The following DNAAF3 variants were observed in gnomAD, a reference collection of about 807,000 sequenced individuals.
DNAAF3 encodes dynein axonemal assembly factor 3, also known as UPF0470 protein C19orf51.
In DNAAF3, 40 loss-of-function variants were observed where a neutral mutation model predicts 50.9. The ratio of observed to expected loss-of-function variants is 0.79; its 90% CI spans 0.61 to 1.02. DNAAF3 has a LOEUF of 1.02. Ranked by LOEUF, DNAAF3 falls within the 50% of genes least tolerant of loss-of-function variation. The pLI, the probability that DNAAF3 is intolerant of heterozygous loss-of-function variation, is 0.00. For missense variants in DNAAF3, 763 were observed against 744.7 expected, an observed-to-expected ratio of 1.02 and a Z score of -0.29; for synonymous variants, 327 against 322.8, an observed-to-expected ratio of 1.01 and a Z score of -0.14.
intron 4 of DNAAF3, among the ~76,000 whole-genome samples, chr19:55,163,737 A>C (rs562223718): frequency 3.6e-4 from 55 of 152,342 alleles, no homozygotes; most frequent in Non-Finnish European, 4.1e-4. Flanking sequence ...AAATAGTTTC[A>C]TGTTAGTTGT....
Position 55,159,973 on chromosome 19 carries a change from C to A in DNAAF3, c.1089G>T (p.Pro363=), listed in dbSNP as rs368469150. ...TPESFTVHFL[P]LNSAQTLHHK... ...GGTGGAGAGTCTGAGCAGAATTGAG[C>A]GGCAGGAAGTGGACGGTGAAAGATT... Residue 363 remains proline, a synonymous_variant, in exon 10 of 12, where the codon CCG becomes CCT. Transcript: ENST00000524407. The A allele has an allele frequency of 5.0e-6, 8 of 1,602,760 alleles. No individual in the cohort carries two copies. In the Admixed American group the frequency reaches 1.2e-4, roughly 24 times the overall value.
At chr19:55,165,021 CTTTTTTTTT>C (rs1164581047) in intron 4 of DNAAF3, among the ~76,000 whole-genome samples, 5 of 84,572 alleles carry the variant, frequency 5.9e-5, no homozygotes, top group Non-Finnish European at 8.6e-5. Flanking sequence ...GTTTCGCTCT[CTTTTTTTTT>C]TTTTTTTTTT....
rs1039202842 is a variant in DNAAF3, at chr19:55,161,130, C to G, written c.847G>C (p.Val283Leu). The change falls in exon 8 of 12, where the codon GTG (valine) becomes CTG (leucine). Residue 283 changes from valine (V) to leucine (L), a missense_variant. By Grantham distance (32) the Val-to-Leu change is conservative. Transcript: ENST00000524407. The surrounding 1 kb of genome is among the most constrained non-coding windows in gnomAD (Gnocchi z 6.4). ...TCGTCCGCTTCGATGCCGAAGGCCA[C>G]GAAGGGCCCCGTGGCGATGTCCCCC... ...YWGDIATGPF[V>L]AFGIEADDES... The G allele has an allele frequency of 6.5e-7, 1 of 1,549,060 alleles. No individual in the cohort carries two copies. The highest frequency in any genetic ancestry group is 8.7e-7 in the Non-Finnish European group (1 of 1,147,884).
chr19:55,161,484 C>T lies in DNAAF3; in HGVS notation c.664-66G>A. ...GAGCGTGGAGAGACCCCTACACCAGCCTCCCTCAGACCCAGGAGTCCAGGT... is the reference window on the plus strand; with the variant it reads ...GAGCGTGGAGAGACCCCTACACCAGTCTCCCTCAGACCCAGGAGTCCAGGT... On this transcript the variant is annotated intron_variant, in intron 6 of 11. Transcript: ENST00000524407. The surrounding 1 kb of genome is among the most constrained non-coding windows in gnomAD (Gnocchi z 6.4). 1 of 1,535,472 alleles carries T rather than the reference C, an allele frequency of 6.5e-7. No individual in the cohort carries two copies. The highest frequency in any genetic ancestry group is 8.7e-7 in the Non-Finnish European group (1 of 1,143,540).
At position 55,160,777 on chromosome 19, in the gene DNAAF3, T is replaced by C; in HGVS notation, c.913-2A>G. On this transcript the variant is annotated splice_acceptor_variant, in intron 8 of 11. Coordinates refer to ENST00000524407, the MANE Select transcript of DNAAF3 (RefSeq NM_001256715.2). LOFTEE classifies it high-confidence loss of function. This position sits in a 1 kb window ranked among gnomAD's most constrained non-coding sequence, Gnocchi z 4.7. ...GTGTTGAGTGATCTCCCCGGCCGTC[T>C]AACAGTAGAAGGGGCGTGGCCAGAC... 6.2e-7 allele frequency: 1 copy of C among 1,608,780 alleles called. No homozygotes were observed. Among genetic ancestry groups the C allele is most frequent in the Admixed American group, 1.7e-5 (1 of 59,442 alleles).
At chr19:55,163,975 A>T (rs2085890810) in intron 4 of DNAAF3, among the ~76,000 whole-genome samples, 2 of 152,136 alleles carry the variant, frequency 1.3e-5, no homozygotes, top group African/African-American at 4.8e-5. Context: ...TCACAGGGGC[A>T]GATTTCTCCC....
Position 55,161,705 on chromosome 19 carries a change from G to A in DNAAF3, c.601C>T (p.Arg201Cys), listed in dbSNP as rs761012090. The change falls in exon 6 of 12, where the codon CGC becomes TGC. Residue 201 changes from arginine to cysteine, a missense_variant. Coordinates refer to ENST00000524407, the MANE Select transcript of DNAAF3 (RefSeq NM_001256715.2). The surrounding 1 kb of genome is among the most constrained non-coding windows in gnomAD (Gnocchi z 6.4). ...DSRLRHYLGSRYDARRGVSDW... is the reference protein window; with the variant it reads ...DSRLRHYLGSCYDARRGVSDW... Reference sequence around the variant, plus strand: ...CTGACACCGCGCCGGGCGTCGTAGCGGGAGCCCAGGTAGTGGCGCAGGCGC... The same window carrying A: ...CTGACACCGCGCCGGGCGTCGTAGCAGGAGCCCAGGTAGTGGCGCAGGCGC... The A allele has an allele frequency of 6.5e-7, 1 of 1,541,296 alleles. No individual in the cohort carries two copies. The highest frequency in any genetic ancestry group is 8.7e-7 in the Non-Finnish European group (1 of 1,146,476).
At chr19:55,165,116 G>A (rs1391156204) in intron 4 of DNAAF3, among the ~76,000 whole-genome samples, 4 of 132,208 alleles carry the variant, frequency 3.0e-5, no homozygotes, top group South Asian at 2.6e-4. Flanking sequence ...TGCAAGCTCC[G>A]CCTGCCGGGT....
Position 55,165,855 on chromosome 19 carries a change from C to G in DNAAF3, c.228+3G>C, listed in dbSNP as rs758629988. 13 of 1,613,844 alleles carry G rather than the reference C, an allele frequency of 8.1e-6. No homozygotes were observed. Among genetic ancestry groups the G allele is most frequent in the South Asian group, 2.2e-5 (2 of 91,012 alleles). ...CTGGGCTCTCATCTTCATCCCAGCT[C>G]ACGTTGAACCTCCTGCGAGGCCAGA... On this transcript the variant is annotated splice_donor_region_variant and intron_variant, in intron 3 of 11. Coordinates refer to ENST00000524407, the MANE Select transcript of DNAAF3 (RefSeq NM_001256715.2).
At chr19:55,163,708 T>C (rs2085886091) in intron 4 of DNAAF3, among the ~76,000 whole-genome samples, 1 of 152,226 alleles carries the variant, frequency 6.6e-6, no homozygotes, top group Non-Finnish European at 1.5e-5. Context: ...GCATATAATA[T>C]ATATACACAT....
At chr19:55,159,498 C>T in intron 11 of DNAAF3, 35 bp downstream of exon 11, 6 of 1,601,032 alleles carry the variant, frequency 3.7e-6, no homozygotes, top group Non-Finnish European at 5.1e-6. Context: ...GATCCCCAGC[C>T]AGGATGTTCC....
Position 55,159,664 on chromosome 19 carries a change from G to A in DNAAF3, c.1164-57C>T, listed in dbSNP as rs763489228. 10 of 1,608,310 alleles carry A rather than the reference G, an allele frequency of 6.2e-6. No homozygotes were observed. In the East Asian group the frequency reaches 1.3e-4, roughly 22 times the overall value. On this transcript the variant is annotated intron_variant, in intron 10 of 11. Coordinates refer to ENST00000524407, the MANE Select transcript of DNAAF3 (RefSeq NM_001256715.2). Reference sequence around the variant, plus strand: ...CAGCTCCAAATCCGGAGGGAGGATGGGGCTCTGGGATCCCAGACAATGAGG... The same window carrying A: ...CAGCTCCAAATCCGGAGGGAGGATGAGGCTCTGGGATCCCAGACAATGAGG...
Position 55,166,126 on chromosome 19 carries a change from G to A in DNAAF3, c.86-126C>T, listed in dbSNP as rs1022530287. ...GCCCGTGGCCTAGGTTCTAAGGGGA[G>A]GTGTTTCCTCTGAGTATTCTGGGAT... On this transcript the variant is annotated intron_variant, in intron 2 of 11. Coordinates refer to ENST00000524407, the MANE Select transcript of DNAAF3 (RefSeq NM_001256715.2). This position sits in a 1 kb window ranked among gnomAD's most constrained non-coding sequence, Gnocchi z 4.0. The A allele has an allele frequency of 3.2e-6, 5 of 1,568,918 alleles. No homozygotes were observed. Among genetic ancestry groups the A allele is most frequent in the South Asian group, 1.2e-5 (1 of 86,302 alleles).
rs371858904 is a variant in DNAAF3, at chr19:55,161,447, C to T, written c.664-29G>A. On this transcript the variant is annotated intron_variant, in intron 6 of 11. Transcript: ENST00000524407. The surrounding 1 kb of genome is among the most constrained non-coding windows in gnomAD (Gnocchi z 6.4). ...GGGTGGGGGGCGGGAAGAAGGGAGCCCTCAGTGAACCGAGCGTGGAGAGAC... is the reference window on the plus strand; with the variant it reads ...GGGTGGGGGGCGGGAAGAAGGGAGCTCTCAGTGAACCGAGCGTGGAGAGAC... 519 of 1,576,724 alleles carry T rather than the reference C, an allele frequency of 3.3e-4. 1 individual carries two copies. The highest frequency in any genetic ancestry group is 4.3e-4 in the Non-Finnish European group (496 of 1,161,642).
chr19:55,160,724 C>A lies in DNAAF3; in HGVS notation c.964G>T (p.Ala322Ser), dbSNP rs2085808438. Reference protein sequence around the residue: ...HNVTELLRDVAAWGRARATGG... With the variant: ...HNVTELLRDVSAWGRARATGG... ...GTGGCTCTCGCGCGCCCCCAGGCGG[C>A]CACGTCGCGGAGCAGCTCCGTCACG... Residue 322 changes from alanine to serine, a missense_variant, in exon 9 of 12, where the codon GCC becomes TCC. Ala to Ser is a moderately conservative substitution (Grantham distance 99). Transcript: ENST00000524407. The surrounding 1 kb of genome is among the most constrained non-coding windows in gnomAD (Gnocchi z 4.7). The A allele has an allele frequency of 6.2e-7, 1 of 1,612,872 alleles. No individual in the cohort carries two copies. The highest frequency in any genetic ancestry group is 1.3e-5 in the African/African-American group (1 of 74,930).
rs755945019 is a variant in DNAAF3 at position 55,165,874 on chromosome 19, G to C, written c.212C>G (p.Pro71Arg). 4 of 1,614,130 alleles carry C rather than the reference G, an allele frequency of 2.5e-6. No individual in the cohort carries two copies. The highest frequency in any genetic ancestry group is 8.5e-7 in the Non-Finnish European group (1 of 1,180,024). The change falls in exon 3 of 12, where the codon CCT (proline) becomes CGT (arginine). Residue 71 changes from proline to arginine, a missense_variant. Physicochemically the swap from Pro to Arg is moderately radical, Grantham distance 103 (BLOSUM62 -2). Coordinates refer to ENST00000524407, the MANE Select transcript of DNAAF3 (RefSeq NM_001256715.2). ...CCAGCTCACGTTGAACCTCCTGCGA[G>C]GCCAGAACTTCGCTCGGGACAGGGT... Reference protein sequence around the residue: ...LRTLSRAKFWPRRRFNFFVLE... With the variant: ...LRTLSRAKFWRRRRFNFFVLE...
intron 4 of DNAAF3, 32 bp downstream of exon 4, chr19:55,165,338 G>A (rs778538262): frequency 1.9e-6 from 3 of 1,594,116 alleles, no homozygotes; most frequent in East Asian, 2.2e-5. Context: ...GAGGAGACCA[G>A]CGGTCAGAAT....
At chr19:55,162,426 T>C in intron 4 of DNAAF3, 136 bp from the exon 5 acceptor site, 1 of 1,050,106 alleles carries the variant, frequency 9.5e-7, no homozygotes, top group Non-Finnish European at 1.2e-6. Flanking sequence ...TCCCAAAAAC[T>C]ACATGAAGAA....
chr19:55,166,707 C>G, upstream of DNAAF3: 1 of 1,564,744 alleles, frequency 6.4e-7, no homozygotes, highest in South Asian at 1.1e-5. The surrounding 1 kb of genome is among the most constrained non-coding windows in gnomAD (Gnocchi z 4.0). Context: ...CCGCCCTCTA[C>G]AAACTTTTGG....
Sources: allele counts gnomAD v4.1 joint callset (sites outside exome capture counted in the v4.1 genomes callset), GRCh38; gene constraint gnomAD v4.1.1; non-coding constraint Gnocchi (gnomAD v3.1); transcripts MANE v1.5; gene names NCBI Gene and HGNC (gene_info 2026-07-23, HGNC 2026-07-21).